The following MGA variants were observed in gnomAD, a reference collection of about 807,000 sequenced individuals.
MGA encodes MAX dimerization protein MGA, also known as MAX gene-associated protein.
A neutral mutation model predicts 261.1 loss-of-function variants in MGA; 40 were observed. The ratio of observed to expected loss-of-function variants is 0.15; its 90% CI spans 0.12 to 0.20. The LOEUF is 0.20. Among genes scored for constraint, MGA ranks in the 10% least tolerant of loss-of-function variants. The pLI is 1.00. For missense variants in MGA, 3,397 were observed against 3,630.5 expected, an observed-to-expected ratio of 0.94 and a Z score of 1.65; for synonymous variants, 1,302 against 1,290.6, an observed-to-expected ratio of 1.01 and a Z score of -0.19.
At chr15:41,657,212 T>C (rs1427837659), upstream of MGA, among the ~76,000 whole-genome samples, 1 of 152,190 alleles carries the variant, frequency 6.6e-6, no homozygotes, top group Admixed American at 6.5e-5. Context: ...GTGGCAATCA[T>C]ACTTTGCCCC....
chr15:41,635,512 G>A (rs1267790185), intron 1 of MGA, among the ~76,000 whole-genome samples: 1 of 145,214 alleles, frequency 6.9e-6, no homozygotes, highest in Non-Finnish European at 1.5e-5. Flanking sequence ...GCAACATAGT[G>A]AGACCCCCCC....
At chr15:41,762,461 G>GTTTTTTTTTTTTTATTTTTT (rs2063526036) in intron 22 of MGA, 99 bp downstream of exon 22, 1 of 125,094 alleles carries the variant, frequency 8.0e-6, no homozygotes, top group Admixed American at 1.9e-4. Context: ...GTTTTGTGTG[G>GTTTTTTTTTTTTTATTTTTT]TTTTTTTTTT....
intron 1 of MGA, among the ~76,000 whole-genome samples, chr15:41,629,200 C>T (rs948337748): frequency 6.6e-6 from 1 of 151,030 alleles, no homozygotes; most frequent in Non-Finnish European, 1.5e-5. Flanking sequence ...AGTGAGAAGT[C>T]ATTGAATTCA....
At chr15:41,762,053 A>G in intron 21 of MGA, 76 bp from the exon 22 acceptor site, 2 of 1,266,832 alleles carry the variant, frequency 1.6e-6, no homozygotes, top group Non-Finnish European at 2.2e-6. Context: ...AGTTAAAGCA[A>G]CTAGATTTCT....
In MGA at chr15:41,764,936, A is replaced by T; in HGVS notation, c.7795A>T (p.Thr2599Ser). ...ACACACCTCTGCCAACCTTGTGATG[A>T]CTCCGCAAGGGCAATTGCTCACCCT... The change falls in exon 23 of 24, where the codon ACT becomes TCT. Residue 2599 changes from threonine (T) to serine (S), a missense_variant. This residue lies in a region of MGA where 647 missense variants were observed against 642.4 expected (regional missense o/e 1.01). Transcript: ENST00000219905. The T allele has an allele frequency of 2.5e-6, 4 of 1,613,966 alleles. No individual in the cohort carries two copies. Among genetic ancestry groups the T allele is most frequent in the Non-Finnish European group, 3.4e-6 (4 of 1,179,880 alleles).
chr15:41,699,374 A>G (rs1249454800), intron 5 of MGA, among the ~76,000 whole-genome samples: 1 of 152,108 alleles, frequency 6.6e-6, no homozygotes, highest in African/African-American at 2.4e-5. Context: ...AACCATGTCT[A>G]ATATCTTATG....
In MGA at chr15:41,708,053, A is replaced by G. The variant is rs1027012072; in HGVS notation, c.2321-51A>G. On this transcript the variant is annotated intron_variant, in intron 6 of 23. Coordinates refer to ENST00000219905, the MANE Select transcript of MGA (RefSeq NM_001164273.2). ...AGTTTTATTAATTAACTAGGTCCATAATATTGGCCTGCTAGAATTTTGGTC... is the reference window on the plus strand; with the variant it reads ...AGTTTTATTAATTAACTAGGTCCATGATATTGGCCTGCTAGAATTTTGGTC... 54 of 1,460,230 alleles carry G rather than the reference A, an allele frequency of 3.7e-5. No homozygotes were observed. The African/African-American group carries it at 6.7e-4, about 18-fold the overall frequency. 90.5% of individuals were successfully genotyped at this position (1,460,230 alleles called of 1,614,324 possible). A position where few individuals can be genotyped will look rare whatever the true frequency, so the allele number is the denominator to read the frequency against.
rs1237711695 is a variant in MGA, at chr15:41,669,971, T to A, written c.1064+13T>A. ...AGATTTCTGAATGGTAAGTAGTAGT[T>A]TTTCTGTTCTTAGAAATAAAAGGAA... On this transcript the variant is annotated intron_variant, in intron 2 of 23. Coordinates refer to ENST00000219905, the MANE Select transcript of MGA (RefSeq NM_001164273.2). 2 of 1,587,878 alleles carry A rather than the reference T, an allele frequency of 1.3e-6. No homozygotes were observed. Among genetic ancestry groups the A allele is most frequent in the Non-Finnish European group, 1.7e-6 (2 of 1,162,960 alleles).
chr15:41,733,901 A>G (rs553838884), intron 11 of MGA, among the ~76,000 whole-genome samples: 1 of 144,538 alleles, frequency 6.9e-6, no homozygotes, highest in South Asian at 2.2e-4. Context: ...ATCTTTCCAC[A>G]TTGGCAAATT....
At chr15:41,706,620 T>G (rs1460637736) in intron 5 of MGA, among the ~76,000 whole-genome samples, 1 of 148,576 alleles carries the variant, frequency 6.7e-6, no homozygotes, top group Non-Finnish European at 1.5e-5. Flanking sequence ...TTACTCTGTC[T>G]CCCAGGCTGG....
Position 41,749,356 on chromosome 15 carries a change from G to A in MGA, c.5749G>A (p.Gly1917Ser). ...ACCACAAAGCTTTGCAAGTAAAACAGGCTCTGAAACCAAAATAACTTATAG... is the reference window on the plus strand; with the variant it reads ...ACCACAAAGCTTTGCAAGTAAAACAAGCTCTGAAACCAAAATAACTTATAG... Residue 1917 changes from glycine to serine, a missense_variant, in exon 17 of 24, where the codon GGC becomes AGC. Physicochemically the swap from Gly to Ser is moderately conservative, Grantham distance 56. Transcript: ENST00000219905. 1 of 1,613,988 alleles carries A rather than the reference G, an allele frequency of 6.2e-7. No individual in the cohort carries two copies. The highest frequency in any genetic ancestry group is 8.5e-7 in the Non-Finnish European group (1 of 1,179,892).
At chr15:41,625,797 C>G (rs1265435867) in intron 1 of MGA, among the ~76,000 whole-genome samples, 4 of 152,096 alleles carry the variant, frequency 2.6e-5, no homozygotes, top group African/African-American at 9.7e-5. Flanking sequence ...TGATATAGAT[C>G]TCTATTAATG....
upstream of MGA, among the ~76,000 whole-genome samples, chr15:41,659,670 C>G (rs930661923): frequency 6.6e-5 from 10 of 152,192 alleles, no homozygotes; most frequent in African/African-American, 2.4e-4. Context: ...CACCTCATAG[C>G]TTAAATGTCT....
At chr15:41,710,591 A>G (rs1263984923) in intron 7 of MGA, 100 bp from the exon 8 acceptor site, 2 of 1,175,770 alleles carry the variant, frequency 1.7e-6, no homozygotes, top group Non-Finnish European at 2.4e-6. Context: ...AAGATTCACT[A>G]TCTTGTAGCT....
Position 41,742,846 on chromosome 15 carries a change from C to A in MGA, c.4886C>A (p.Ser1629Tyr), listed in dbSNP as rs2151858586. The A allele has an allele frequency of 6.2e-7, 1 of 1,613,990 alleles. No individual in the cohort carries two copies. The highest frequency in any genetic ancestry group is 1.1e-5 in the South Asian group (1 of 91,080). ...GTGGAAACTAAAGAAACTACTTATT[C>A]TTCTGGTGCCACCACTACAGGGGTT... is the stretch of plus-strand genomic sequence containing the variant. Residue 1629 changes from serine to tyrosine, a missense_variant, in exon 15 of 24, where the codon TCT becomes TAT. Transcript: ENST00000219905.
At chr15:41,715,924 A>G (rs1172437862) in intron 9 of MGA, among the ~76,000 whole-genome samples, 1 of 152,220 alleles carries the variant, frequency 6.6e-6, no homozygotes. Flanking sequence ...AGCAACAAAA[A>G]TAAAATACGG....
intron 2 of MGA, among the ~76,000 whole-genome samples, chr15:41,674,608 C>T (rs1422628507): frequency 6.6e-6 from 1 of 152,144 alleles, no homozygotes; most frequent in Non-Finnish European, 1.5e-5. Flanking sequence ...CAACCTCCGC[C>T]TCCTGGGTTC....
intron 5 of MGA, among the ~76,000 whole-genome samples, chr15:41,701,837 A>G (rs2059869386): frequency 6.6e-6 from 1 of 152,222 alleles, no homozygotes; most frequent in Non-Finnish European, 1.5e-5. Context: ...GCAAGTTTGT[A>G]TTTAATCCTA....
rs757706495 is a variant in MGA at position 41,750,299 on chromosome 15, C to T, written c.6692C>T (p.Thr2231Ile). ...GACTTACTTGGAAAAAGTGGAATTA[C>T]TGAAGATGCCAGAGTTTTGAAAACT... The change falls in exon 17 of 24, where the codon ACT becomes ATT. Residue 2231 changes from threonine (T) to isoleucine (I), a missense_variant. This residue lies in a region of MGA where 1,410 missense variants were observed against 1,386.4 expected (regional missense o/e 1.02). Coordinates refer to ENST00000219905, the MANE Select transcript of MGA (RefSeq NM_001164273.2). 1.2e-6 allele frequency: 2 copies of T among 1,613,894 alleles called. No individual in the cohort carries two copies. The highest frequency in any genetic ancestry group is 1.7e-5 in the Admixed American group (1 of 60,002).
Sources: gnomAD v4.1 joint callset for allele counts (sites outside exome capture counted in the v4.1 genomes callset) on GRCh38, gnomAD v4.1.1 for gene constraint, gnomAD v4.1.1 regional missense constraint, MANE v1.5 for transcripts, NCBI Gene and HGNC (gene_info 2026-07-23, HGNC 2026-07-21) for gene names.